FRMD3: variants seen among roughly 807,000 people sequenced by gnomAD.
FRMD3 encodes the protein FERM domain-containing protein 3.
Under a neutral mutation model 70.2 loss-of-function variants are expected in FRMD3, and 33 were observed. The ratio of observed to expected loss-of-function variants is 0.47; its 90% CI spans 0.36 to 0.63. The LOEUF (loss-of-function observed/expected upper bound fraction) is 0.63, where lower values mean the gene tolerates loss of function less well. Among genes scored for constraint, FRMD3 ranks in the 20% least tolerant of loss-of-function variants. The pLI, the probability that FRMD3 is intolerant of heterozygous loss-of-function variation, is 0.00. For missense variants in FRMD3, 632 were observed against 711.4 expected, an observed-to-expected ratio of 0.89 and a Z score of 1.27; for synonymous variants, 279 against 255.9, an observed-to-expected ratio of 1.09 and a Z score of -0.86.
intron 1 of FRMD3, among the ~76,000 whole-genome samples, chr9:83,431,505 T>G (rs1036238357): frequency 6.6e-6 from 1 of 152,206 alleles, no homozygotes; most frequent in Non-Finnish European, 1.5e-5. Flanking sequence ...CTGATTTTTT[T>G]CCCTATTCTA....
intron 2 of FRMD3, among the ~76,000 whole-genome samples, chr9:83,378,744 T>A (rs1279478558): frequency 5.0e-5 from 6 of 120,030 alleles, no homozygotes; most frequent in African/African-American, 2.3e-4. Context: ...TACTTTATAT[T>A]ATATATAATA....
intron 2 of FRMD3, among the ~76,000 whole-genome samples, chr9:83,381,272 C>A (rs376606739): frequency 1.3e-5 from 2 of 152,252 alleles, no homozygotes; most frequent in East Asian, 1.9e-4. Context: ...GTAAGAAAAT[C>A]CGCTGGGCAC....
At chr9:83,257,875 A>T (rs1832790635) in intron 13 of FRMD3, among the ~76,000 whole-genome samples, 1 of 152,236 alleles carries the variant, frequency 6.6e-6, no homozygotes, top group African/African-American at 2.4e-5. Flanking sequence ...TACACAGCCC[A>T]ATTAAAATAG....
intron 13 of FRMD3, among the ~76,000 whole-genome samples, chr9:83,286,980 C>T (rs746268659): frequency 4.6e-5 from 7 of 152,160 alleles, no homozygotes; most frequent in Non-Finnish European, 1.0e-4. Flanking sequence ...TCAATGTCTC[C>T]GAGATAAGAG....
chr9:83,342,307 G>A (rs78447247), intron 5 of FRMD3, among the ~76,000 whole-genome samples: 276 of 152,200 alleles, frequency 1.8e-3, no homozygotes, highest in African/African-American at 6.3e-3. Flanking sequence ...GAACCCAACC[G>A]ACATCAACAC....
the FRMD3 span, among the ~76,000 whole-genome samples, chr9:83,564,551 T>G: frequency 0.12 from 18,540 of 152,126 alleles, 1,678 homozygotes; most frequent in African/African-American, 0.25. Flanking sequence ...ATAAAGCAAA[T>G]CAAAAAACTG....
chr9:83,400,956 C>A (rs1825936201), intron 1 of FRMD3, among the ~76,000 whole-genome samples: 1 of 152,120 alleles, frequency 6.6e-6, no homozygotes, highest in Admixed American at 6.5e-5. Flanking sequence ...CTCTAACAAG[C>A]CTTGTGAAAC....
intron 1 of FRMD3, among the ~76,000 whole-genome samples, chr9:83,447,197 G>A (rs1445934891): frequency 6.6e-6 from 1 of 152,120 alleles, no homozygotes; most frequent in Non-Finnish European, 1.5e-5. Flanking sequence ...CTAATTTTTT[G>A]TATTTTTAGT....
intron 3 of FRMD3, among the ~76,000 whole-genome samples, chr9:83,363,555 T>TTC (rs1554693313): frequency 1.9e-5 from 2 of 107,472 alleles, no homozygotes; most frequent in African/African-American, 9.2e-5. Flanking sequence ...GACATAGGCT[T>TTC]TTTTTTTTTT....
intron 1 of FRMD3, among the ~76,000 whole-genome samples, chr9:83,450,915 T>C (rs1258150671): frequency 6.6e-6 from 1 of 152,072 alleles, no homozygotes; most frequent in Non-Finnish European, 1.5e-5. Context: ...ATGGATAAAA[T>C]GTAGGAAATG....
intron 5 of FRMD3, among the ~76,000 whole-genome samples, chr9:83,337,523 C>G (rs999211640): frequency 1.3e-5 from 2 of 152,018 alleles, no homozygotes; most frequent in African/African-American, 4.8e-5. Context: ...CACAAGCATG[C>G]TAAGGAATAT....
chr9:83,562,985 TG>T, the FRMD3 span, among the ~76,000 whole-genome samples: 1 of 102,498 alleles, frequency 9.8e-6, no homozygotes, highest in African/African-American at 4.4e-5. Flanking sequence ...AGTGATTAAA[TG>T]AAAAAAAAAA....
chr9:83,335,452 A>T (rs41282411), intron 6 of FRMD3, 64 bp downstream of exon 6: 55,142 of 1,480,534 alleles, frequency 0.037, 1,382 homozygotes, highest in Non-Finnish European at 0.038. Flanking sequence ...TGATTTCCAC[A>T]TTCCCTGCAG....
intron 10 of FRMD3, among the ~76,000 whole-genome samples, chr9:83,300,963 A>G (rs1367767372): frequency 6.6e-6 from 1 of 152,160 alleles, no homozygotes; most frequent in African/African-American, 2.4e-5. Flanking sequence ...GCCCCTTCCC[A>G]CCACCTGTGT....
At chr9:83,407,878 TTCTCTCTCTC>T (rs147066768) in intron 1 of FRMD3, among the ~76,000 whole-genome samples, 2 of 89,048 alleles carry the variant, frequency 2.2e-5, no homozygotes, top group Non-Finnish European at 4.2e-5. Flanking sequence ...TCTCTCATCT[TTCTCTCTCTC>T]TCTCTCTCTC....
chr9:83,418,640 T>C (rs1826527402), intron 1 of FRMD3, among the ~76,000 whole-genome samples: 2 of 152,022 alleles, frequency 1.3e-5, no homozygotes, highest in Non-Finnish European at 2.9e-5. Context: ...TAGATCTTGG[T>C]GTGAATATGG....
At chr9:83,267,020 C>T (rs1198813408) in intron 13 of FRMD3, 18 of 1,550,738 alleles carry the variant, frequency 1.2e-5, no homozygotes, top group African/African-American at 6.8e-5. Flanking sequence ...ACCAGTGTTA[C>T]GAGCTGTGAC....
rs111468847 is a variant in FRMD3, at chr9:83,442,645, A to AG, written c.148-52938dup. Among the ~76,000 whole-genome samples the AG allele has an allele frequency of 4.3e-3, 654 of 150,702 alleles. 12 individuals are homozygous for AG. Among genetic ancestry groups the AG allele is most frequent in the African/African-American group, 0.014 (591 of 41,162 alleles). On this transcript the variant is annotated intron_variant, in intron 1 of 13. Transcript: ENST00000304195. ...AGCCTGAGCACTGAATCCTCAGTGG[A>AG]GGGGGGGTACATTCCCCCTCCACGA...
rs552629221 is a variant in FRMD3 at position 83,534,721 on chromosome 9, G to C, written c.147+3364C>G. Among the ~76,000 whole-genome samples, 12 of 152,330 alleles carry C rather than the reference G, an allele frequency of 7.9e-5. No individual in the cohort carries two copies. In the South Asian group the frequency reaches 2.5e-3, roughly 32 times the overall value. On this transcript the variant is annotated intron_variant, in intron 1 of 13. Coordinates refer to ENST00000304195, the MANE Select transcript of FRMD3 (RefSeq NM_174938.6). Reference sequence around the variant, plus strand: ...GTATCAAACCTAACAAGGCATTTATGCATATAGTTTCTTTAAAGGCAAATA... The same window carrying C: ...GTATCAAACCTAACAAGGCATTTATCCATATAGTTTCTTTAAAGGCAAATA...
Sources: gnomAD v4.1 joint callset for allele counts (sites outside exome capture counted in the v4.1 genomes callset) on GRCh38, gnomAD v4.1.1 for gene constraint, MANE v1.5 for transcripts, NCBI Gene and HGNC (gene_info 2026-07-23, HGNC 2026-07-21) for gene names.